The following ERI1 variants were observed in gnomAD, a reference collection of about 807,000 sequenced individuals.
The protein encoded by ERI1 is exoribonuclease 1, also known as 3'-5' exoribonuclease 1.
In ERI1, 39 loss-of-function variants were observed where a neutral mutation model predicts 39.7. The observed-to-expected ratio is 0.98, with a 90% CI of 0.76 to 1.28. ERI1 has a LOEUF of 1.28. Among genes scored for constraint, ERI1 ranks in the 50% most tolerant of loss-of-function variants. The pLI is 0.00. For synonymous variants in ERI1, 204 were observed against 149.6 expected (o/e 1.36, Z -2.65); for missense variants, 581 against 416.9 (o/e 1.39, Z -3.43).
At chr8:9,098,964 G>T (rs1476607508) in intron 3 of ERI1, among the ~76,000 whole-genome samples, 2 of 152,016 alleles carry the variant, frequency 1.3e-5, no homozygotes, top group African/African-American at 4.8e-5. Flanking sequence ...TTCCCGAGTA[G>T]CTGGGATTAT....
At chr8:9,057,572 TA>T (rs1798548260) in intron 3 of ERI1, among the ~76,000 whole-genome samples, 1 of 152,224 alleles carries the variant, frequency 6.6e-6, no homozygotes, top group Non-Finnish European at 1.5e-5. Context: ...ACATATTTTT[TA>T]TGGGCCCTTT....
chr8:9,048,791 C>T (rs1197199272), intron 3 of ERI1, among the ~76,000 whole-genome samples: 5 of 152,074 alleles, frequency 3.3e-5, no homozygotes, highest in African/African-American at 1.2e-4. Context: ...ACCACAGGTA[C>T]GTGCCCCTGG....
chr8:9,033,563 A>T (rs530550884), downstream of ERI1, among the ~76,000 whole-genome samples: 1 of 54,196 alleles, frequency 1.8e-5, no homozygotes, highest in African/African-American at 5.8e-5. Flanking sequence ...GTAGAGCTGA[A>T]TGTTAAGGTA....
At chr8:9,059,974 G>A (rs1798639120) in intron 3 of ERI1, among the ~76,000 whole-genome samples, 1 of 152,200 alleles carries the variant, frequency 6.6e-6, no homozygotes, top group South Asian at 2.1e-4. Context: ...CAAATGGGCT[G>A]TACCCTGTAG....
At chr8:9,037,286 C>T (rs569993122), downstream of ERI1, among the ~76,000 whole-genome samples, 1 of 152,206 alleles carries the variant, frequency 6.6e-6, no homozygotes, top group Non-Finnish European at 1.5e-5. Flanking sequence ...CGTTGAGTCG[C>T]ATGTGCACCA....
chr8:9,095,147 G>A (rs955463197), intron 3 of ERI1, among the ~76,000 whole-genome samples: 2 of 152,194 alleles, frequency 1.3e-5, no homozygotes, highest in African/African-American at 2.4e-5. Context: ...CTGCATGAGA[G>A]CATCTGGCAC....
intron 3 of ERI1, among the ~76,000 whole-genome samples, chr8:9,056,218 G>C (rs1048334708): frequency 7.2e-5 from 11 of 152,258 alleles, no homozygotes; most frequent in African/African-American, 2.7e-4. Flanking sequence ...GGAAGACACT[G>C]TCTCTGCGGA....
intron 6 of ERI1, among the ~76,000 whole-genome samples, chr8:9,021,564 G>T (rs187664399): frequency 1.3e-5 from 2 of 152,064 alleles, no homozygotes; most frequent in Non-Finnish European, 2.9e-5. Flanking sequence ...TTTGCCGATT[G>T]CTATAAAGCA....
intron 6 of ERI1, 132 bp from the exon 7 acceptor site, chr8:9,029,660 G>A (rs1229553395): frequency 8.5e-6 from 9 of 1,061,578 alleles, no homozygotes; most frequent in Non-Finnish European, 1.2e-5. Context: ...ATTTGAGTGG[G>A]GGTATTGCCC....
intron 3 of ERI1, among the ~76,000 whole-genome samples, chr8:9,041,755 A>G (rs1563351253): frequency 6.6e-6 from 1 of 152,212 alleles, no homozygotes; most frequent in Non-Finnish European, 1.5e-5. Flanking sequence ...TTCTTTTTAG[A>G]CAGAGTTTCG....
intron 3 of ERI1, among the ~76,000 whole-genome samples, chr8:9,059,843 A>C (rs1447918849): frequency 2.6e-5 from 4 of 152,192 alleles, no homozygotes; most frequent in African/African-American, 7.2e-5. Context: ...AGAATGGTGA[A>C]TAGGAGTATG....
At chr8:9,095,124 A>G (rs1585306025) in intron 3 of ERI1, among the ~76,000 whole-genome samples, 1 of 152,318 alleles carries the variant, frequency 6.6e-6, no homozygotes, top group East Asian at 1.9e-4. Context: ...TGGTGTGAAG[A>G]CTAAATGAGA....
chr8:9,010,475 A>G (rs1368229162), intron 2 of ERI1, among the ~76,000 whole-genome samples: 1 of 152,246 alleles, frequency 6.6e-6, no homozygotes, highest in Non-Finnish European at 1.5e-5. Context: ...ATTTCATCTT[A>G]AAAAAGCTAA....
intron 6 of ERI1, among the ~76,000 whole-genome samples, chr8:9,023,732 A>AT (rs915474322): frequency 2.8e-4 from 42 of 151,344 alleles, no homozygotes; most frequent in Admixed American, 2.4e-3. Context: ...TGCTGTATAT[A>AT]ATGCTAATAA....
At chr8:9,029,136 C>G (rs1027619520) in intron 6 of ERI1, among the ~76,000 whole-genome samples, 29 of 152,012 alleles carry the variant, frequency 1.9e-4, no homozygotes, top group African/African-American at 6.0e-4. Flanking sequence ...AAGTAATACA[C>G]TATAGAAAAA....
intron 3 of ERI1, 26 bp from the exon 4 acceptor site, chr8:9,016,291 ATTACT>A (rs776241254): frequency 1.4e-6 from 2 of 1,425,828 alleles, no homozygotes; most frequent in East Asian, 4.7e-5. Flanking sequence ...ACTCATATAA[ATTACT>A]TTAACTTGCT....
intron 6 of ERI1, among the ~76,000 whole-genome samples, chr8:9,025,701 T>TG (rs34191231): frequency 0.33 from 49,343 of 147,492 alleles, 9,008 homozygotes; most frequent in East Asian, 0.56. Flanking sequence ...ATCTTTTTTT[T>TG]TTGTGTGTGT....
At chr8:9,005,789 C>T (rs949934065) in intron 1 of ERI1, among the ~76,000 whole-genome samples, 7 of 152,184 alleles carry the variant, frequency 4.6e-5, no homozygotes, top group African/African-American at 7.2e-5. Flanking sequence ...CCAACGCGCC[C>T]GGCCTCAACG....
intron 3 of ERI1, among the ~76,000 whole-genome samples, chr8:9,057,020 G>A (rs930237607): frequency 2.0e-5 from 3 of 152,092 alleles, no homozygotes; most frequent in South Asian, 4.1e-4. Flanking sequence ...TTTTATAGAG[G>A]TGGGGTTTCA....
Sources: gnomAD v4.1 joint callset for allele counts (sites outside exome capture counted in the v4.1 genomes callset) on GRCh38, gnomAD v4.1.1 for gene constraint, MANE v1.5 for transcripts, NCBI Gene and HGNC (gene_info 2026-07-23, HGNC 2026-07-21) for gene names.